UNC13A: variants seen among roughly 807,000 people sequenced by gnomAD.
UNC13A encodes protein unc-13 homolog A.
In UNC13A, 61 loss-of-function variants were observed where a neutral mutation model predicts 219.7. The observed-to-expected ratio is 0.28, with a 90% CI of 0.23 to 0.34. The LOEUF (loss-of-function observed/expected upper bound fraction) is 0.34. UNC13A is among the 10% of genes least tolerant of loss of function. The pLI is 1.00. For missense variants in UNC13A, 1,476 were observed against 2,270.3 expected (o/e 0.65, Z 7.11); for synonymous variants, 920 against 884.6 (o/e 1.04, Z -0.71).
intron 35 of UNC13A, 153 bp downstream of exon 35, chr19:17,624,676 G>T: frequency 8.9e-7 from 1 of 1,120,040 alleles, no homozygotes; most frequent in Non-Finnish European, 1.2e-6. Context: ...ACCTCTGGTG[G>T]CTTCCATGAC....
At chr19:17,624,982 G>A (rs1174429781) in intron 34 of UNC13A, 30 bp from the exon 35 acceptor site, 25 of 1,600,170 alleles carry the variant, frequency 1.6e-5, no homozygotes, top group Middle Eastern at 1.7e-4. Context: ...CTGAGAGAGG[G>A]CCCAGCTCGC....
At chr19:17,673,760 C>T (rs758912113) in intron 3 of UNC13A, among the ~76,000 whole-genome samples, 2 of 151,670 alleles carry the variant, frequency 1.3e-5, no homozygotes, top group Non-Finnish European at 2.9e-5. Flanking sequence ...TCTATAATCC[C>T]AGCACCTTGG....
chr19:17,629,111 A>G (rs2076814964), intron 31 of UNC13A, 129 bp downstream of exon 31: 2 of 748,110 alleles, frequency 2.7e-6, no homozygotes, highest in South Asian at 3.5e-5. Context: ...AAACACACAG[A>G]CAATCCAGTC....
Position 17,648,559 on chromosome 19 carries a change from G to T in UNC13A, c.1688C>A (p.Thr563Lys). 6.2e-7 allele frequency: 1 copy of T among 1,614,092 alleles called. No individual in the cohort carries two copies. Among genetic ancestry groups the T allele is most frequent in the Non-Finnish European group, 8.5e-7 (1 of 1,180,008 alleles). Residue 563 changes from threonine to lysine, a missense_variant, in exon 16 of 44, where the codon ACG becomes AAG. By Grantham distance (78) the Thr-to-Lys change is moderately conservative. Coordinates refer to ENST00000519716, the MANE Select transcript of UNC13A (RefSeq NM_001080421.3). ...PHNFEVWTAT[T>K]PTYCYECEGL... is the part of the protein sequence containing the mutation. ...CTCGCACTCGTAGCAGTAGGTGGGC[G>T]TGGTGGCCGTCCACACTTCGAAGTT...
At chr19:17,661,086 G>A (rs1489745789) in intron 8 of UNC13A, among the ~76,000 whole-genome samples, 2 of 146,600 alleles carry the variant, frequency 1.4e-5, no homozygotes, top group East Asian at 3.9e-4. Flanking sequence ...CTACAGGGGC[G>A]TGCCACCACA....
chr19:17,669,572 C>T lies in UNC13A; in HGVS notation c.375G>A (p.Thr125=), dbSNP rs375068744. ...DPTFHRILLD[T]RFELPLDIPE... ...ACTCACCTAAGGGTAGCTCAAAGCGCGTGTCCAGGAGGATGCGGTGGAAGG... is the reference window on the plus strand; with the variant it reads ...ACTCACCTAAGGGTAGCTCAAAGCGTGTGTCCAGGAGGATGCGGTGGAAGG... The change falls in exon 5 of 44, where the codon ACG becomes ACA. Residue 125 remains threonine (T), a synonymous_variant. Transcript: ENST00000519716. 1.2e-5 allele frequency: 19 copies of T among 1,613,726 alleles called. No individual in the cohort carries two copies. Among genetic ancestry groups the T allele is most frequent in the Admixed American group, 5.0e-5 (3 of 60,000 alleles).
intron 1 of UNC13A, among the ~76,000 whole-genome samples, chr19:17,683,790 A>G (rs944754291): frequency 6.6e-6 from 1 of 152,158 alleles, no homozygotes; most frequent in Non-Finnish European, 1.5e-5. Context: ...ACATGTTTAT[A>G]GAGCCTTTAA....
intron 1 of UNC13A, among the ~76,000 whole-genome samples, chr19:17,682,065 G>A (rs1316828940): frequency 6.6e-6 from 1 of 151,116 alleles, no homozygotes; most frequent in Non-Finnish European, 1.5e-5. Flanking sequence ...CGATTCTCGT[G>A]CCTCAGCCCC....
intron 43 of UNC13A, 39 bp downstream of exon 43, chr19:17,609,901 T>C: frequency 6.2e-7 from 1 of 1,607,252 alleles, no homozygotes; most frequent in Non-Finnish European, 8.5e-7. Context: ...GGATGCCCCC[T>C]CCCTTGCCCC....
intron 8 of UNC13A, among the ~76,000 whole-genome samples, chr19:17,661,446 C>A (rs1694028385): frequency 6.6e-6 from 1 of 152,056 alleles, no homozygotes. Context: ...ATAATCCCAG[C>A]ACTTTGGGAG....
intron 26 of UNC13A, among the ~76,000 whole-genome samples, chr19:17,635,258 C>T (rs2076901769): frequency 6.6e-6 from 1 of 152,180 alleles, no homozygotes; most frequent in Non-Finnish European, 1.5e-5. Context: ...ACCTTGGCCT[C>T]CCAAAGTGCT....
At chr19:17,675,826 T>C (rs1371876046) in intron 2 of UNC13A, among the ~76,000 whole-genome samples, 186 bp downstream of exon 2, 1 of 151,890 alleles carries the variant, frequency 6.6e-6, no homozygotes, top group Non-Finnish European at 1.5e-5. Context: ...GGGACCCCCA[T>C]ACAAACTGCA....
intron 20 of UNC13A, among the ~76,000 whole-genome samples, chr19:17,642,007 T>C (rs889789223): frequency 2.0e-5 from 3 of 151,404 alleles, no homozygotes; most frequent in African/African-American, 7.3e-5. Context: ...CACCCACCCA[T>C]TCATCCATTT....
At chr19:17,651,464 G>A (rs566422131) in intron 12 of UNC13A, among the ~76,000 whole-genome samples, 2 of 152,246 alleles carry the variant, frequency 1.3e-5, no homozygotes, top group Non-Finnish European at 1.5e-5. Context: ...GACGTCAGGC[G>A]ATCCACCTGC....
At chr19:17,632,325 A>G (rs1332203062) in intron 28 of UNC13A, among the ~76,000 whole-genome samples, 1 of 152,164 alleles carries the variant, frequency 6.6e-6, no homozygotes, top group African/African-American at 2.4e-5. Flanking sequence ...GATTACAGGC[A>G]CAAGCCACTG....
Position 17,629,309 on chromosome 19 carries a change from C to A in UNC13A, c.3684G>T (p.Val1228=). The part of the protein sequence containing the change: ...MRRFAKTISN[V]LLQYADIISK... Reference sequence around the variant, plus strand: ...AGATGATGTCTGCATACTGGAGGAGCACATTACTGATGGTCTGGGGAAGAC... The same window carrying A: ...AGATGATGTCTGCATACTGGAGGAGAACATTACTGATGGTCTGGGGAAGAC... Residue 1228 remains valine (V), a synonymous_variant, in exon 31 of 44, where the codon GTG becomes GTT. Transcript: ENST00000519716. The A allele has an allele frequency of 6.2e-7, 1 of 1,611,554 alleles. No homozygotes were observed. The highest frequency in any genetic ancestry group is 1.7e-5 in the Admixed American group (1 of 59,666).
In UNC13A at chr19:17,632,836, T is replaced by A. The variant is rs1019734001; in HGVS notation, c.3374A>T (p.Asn1125Ile). 1 of 1,613,820 alleles carries A rather than the reference T, an allele frequency of 6.2e-7. No individual in the cohort carries two copies. Among genetic ancestry groups the A allele is most frequent in the Non-Finnish European group, 8.5e-7 (1 of 1,179,888 alleles). The change falls in exon 28 of 44, where the codon AAT (asparagine) becomes ATT (isoleucine). Residue 1125 changes from asparagine to isoleucine, a missense_variant. Physicochemically the swap from Asn to Ile is moderately radical, Grantham distance 149. Coordinates refer to ENST00000519716, the MANE Select transcript of UNC13A (RefSeq NM_001080421.3). ...GGCGGGAAGTTCCGTCACATACTCATTGTAGAGCCATTTCACCTTGAAGTG... is the reference window on the plus strand; with the variant it reads ...GGCGGGAAGTTCCGTCACATACTCAATGTAGAGCCATTTCACCTTGAAGTG... ...NLHFKVKWLY[N>I]EYVTELPAFK...
intron 19 of UNC13A, 55 bp from the exon 20 acceptor site, chr19:17,643,015 A>ATT (rs796922566): frequency 9.9e-4 from 1,130 of 1,144,638 alleles, no homozygotes; most frequent in Non-Finnish European, 1.0e-3. Flanking sequence ...GCAGTGGGCA[A>ATT]TTTTTTTTTT....
chr19:17,664,924 G>A (rs1217545317), intron 7 of UNC13A, among the ~76,000 whole-genome samples: 2 of 152,198 alleles, frequency 1.3e-5, no homozygotes, highest in African/African-American at 4.8e-5. Flanking sequence ...AAGGTGCCAG[G>A]CATGGTGGCT....
Sources: allele counts gnomAD v4.1 joint callset (sites outside exome capture counted in the v4.1 genomes callset), GRCh38; gene constraint gnomAD v4.1.1; transcripts MANE v1.5; gene names NCBI Gene and HGNC (gene_info 2026-07-23, HGNC 2026-07-21).